AMBRA1: variants seen among roughly 807,000 people sequenced by gnomAD.
AMBRA1 encodes activating molecule in BECN1-regulated autophagy protein 1.
AMBRA1 carries 47 observed loss-of-function variants against 125.4 expected under a neutral mutation model. The observed-to-expected ratio is 0.37, with a 90% CI of 0.30 to 0.48. AMBRA1 has a LOEUF of 0.48. AMBRA1 is among the 20% of genes least tolerant of loss of function. The pLI is 0.99. For missense variants in AMBRA1, 1,331 were observed against 1,693.4 expected (o/e 0.79, Z 3.76); for synonymous variants, 626 against 655.5 (o/e 0.95, Z 0.69).
In AMBRA1 at chr11:46,409,257, G is replaced by C. The variant is rs565438989; in HGVS notation, c.3210-551C>G. ...GTCTCGCCCTGTCACCCAGGCTGTA[G>C]TGGCGCAATCTCAGCTCACTGCAAC... On this transcript the variant is annotated intron_variant, in intron 16 of 17. Coordinates refer to ENST00000683756, the MANE Select transcript of AMBRA1 (RefSeq NM_001387011.1). Among the ~76,000 whole-genome samples, 4 of 151,694 alleles carry C rather than the reference G, an allele frequency of 2.6e-5. No homozygotes were observed. In the South Asian group the frequency reaches 8.3e-4, roughly 32 times the overall value.
chr11:46,486,578 A>G (rs1259140769), intron 11 of AMBRA1, among the ~76,000 whole-genome samples: 2 of 152,162 alleles, frequency 1.3e-5, no homozygotes, highest in African/African-American at 4.8e-5. Context: ...GGAAGTGGGG[A>G]ACATCTAAGA....
At chr11:46,404,859 G>A (rs1386938486) in intron 17 of AMBRA1, among the ~76,000 whole-genome samples, 3 of 152,180 alleles carry the variant, frequency 2.0e-5, no homozygotes, top group African/African-American at 7.2e-5. Context: ...AGCCAGAAAT[G>A]GGCTGCATGC....
intron 5 of AMBRA1, among the ~76,000 whole-genome samples, chr11:46,544,663 CT>C (rs771923046): frequency 2.0e-5 from 3 of 152,204 alleles, no homozygotes; most frequent in Non-Finnish European, 4.4e-5. Context: ...ACCCAAACTT[CT>C]TTCAGGTTTT....
At chr11:46,566,488 G>A (rs2043537704) in intron 1 of AMBRA1, among the ~76,000 whole-genome samples, 1 of 151,966 alleles carries the variant, frequency 6.6e-6, no homozygotes, top group African/African-American at 2.4e-5. Flanking sequence ...TATGCTGAGT[G>A]AAAAAGGCCA....
At chr11:46,478,654 T>TC (rs1366490026) in intron 11 of AMBRA1, among the ~76,000 whole-genome samples, 5 of 131,804 alleles carry the variant, frequency 3.8e-5, no homozygotes, top group Admixed American at 3.1e-4. Context: ...TTCTCTTTTT[T>TC]TTTTTTTTTT....
chr11:46,443,971 T>A (rs1328579171), intron 11 of AMBRA1, among the ~76,000 whole-genome samples: 1 of 152,120 alleles, frequency 6.6e-6, no homozygotes, highest in Middle Eastern at 3.2e-3. Context: ...AAGACACCAT[T>A]AACACAGAAA....
At chr11:46,420,518 G>T (rs777706554) in intron 14 of AMBRA1, among the ~76,000 whole-genome samples, 1 of 152,180 alleles carries the variant, frequency 6.6e-6, no homozygotes, top group African/African-American at 2.4e-5. Context: ...TCTTTCTCAT[G>T]GAGGTTTTCA....
chr11:46,420,150 A>C (rs1946780324), intron 14 of AMBRA1, among the ~76,000 whole-genome samples: 2 of 152,206 alleles, frequency 1.3e-5, no homozygotes, highest in South Asian at 4.1e-4. Flanking sequence ...GGTTTGAGGC[A>C]CGGCACTGAC....
At chr11:46,456,231 C>A (rs955719300) in intron 11 of AMBRA1, among the ~76,000 whole-genome samples, 5 of 151,944 alleles carry the variant, frequency 3.3e-5, no homozygotes, top group Middle Eastern at 6.3e-3. Flanking sequence ...GAAAAAAAAA[C>A]CCCAAACACA....
At chr11:46,483,318 C>T (rs1950144942) in intron 11 of AMBRA1, among the ~76,000 whole-genome samples, 1 of 152,158 alleles carries the variant, frequency 6.6e-6, no homozygotes, top group Non-Finnish European at 1.5e-5. Flanking sequence ...GCCCCAGTCA[C>T]CTATTTGCAG....
chr11:46,531,922 G>A (rs1208090083), intron 7 of AMBRA1, among the ~76,000 whole-genome samples: 3 of 151,498 alleles, frequency 2.0e-5, no homozygotes, highest in Non-Finnish European at 4.4e-5. Flanking sequence ...GTTCAAGACC[G>A]GCCTGGCCAA....
intron 1 of AMBRA1, among the ~76,000 whole-genome samples, chr11:46,556,418 C>T (rs762374019): frequency 2.0e-5 from 3 of 152,180 alleles, no homozygotes; most frequent in Non-Finnish European, 2.9e-5. Flanking sequence ...AAGGCAAACA[C>T]ACCTAGAAGC....
intron 1 of AMBRA1, among the ~76,000 whole-genome samples, chr11:46,561,707 T>C (rs1286713358): frequency 6.6e-6 from 1 of 152,122 alleles, no homozygotes; most frequent in African/African-American, 2.4e-5. Context: ...AGAAAAAATT[T>C]CCCTCGAGGC....
chr11:46,543,232 A>C lies in AMBRA1; in HGVS notation c.785T>G (p.Val262Gly). Residue 262 changes from valine (V) to glycine (G), a missense_variant, in exon 7 of 18, where the codon GTG becomes GGG. Transcript: ENST00000683756. ...GGGTGAGGGGGTAGCAGAATCTTGC[A>C]CTGTGCTTTGCTCTCCCACCTGGAT... ...SGIQVGEQST[V>G]QDSATPSPPP... 1 of 1,612,876 alleles carries C rather than the reference A, an allele frequency of 6.2e-7. No individual in the cohort carries two copies. The highest frequency in any genetic ancestry group is 1.1e-5 in the South Asian group (1 of 90,908).
At chr11:46,450,435 AT>A (rs200047750) in intron 11 of AMBRA1, among the ~76,000 whole-genome samples, 212 of 144,322 alleles carry the variant, frequency 1.5e-3, no homozygotes, top group Middle Eastern at 3.5e-3. Context: ...TGAGCACAAG[AT>A]TTTTTTTTTT....
intron 7 of AMBRA1, among the ~76,000 whole-genome samples, chr11:46,526,100 G>A (rs1232884890): frequency 1.3e-5 from 2 of 152,088 alleles, no homozygotes; most frequent in Non-Finnish European, 2.9e-5. Context: ...AGCTACTCCA[G>A]AGGCTGAGGC....
At chr11:46,582,110 C>CAA (rs753222142) in intron 1 of AMBRA1, among the ~76,000 whole-genome samples, 6 of 79,754 alleles carry the variant, frequency 7.5e-5, no homozygotes, top group Non-Finnish European at 1.4e-4. Flanking sequence ...GACCCTGTCT[C>CAA]AAAAAAAAAA....
chr11:46,411,390 TGTCCCAGGAG>T (rs202077633), intron 15 of AMBRA1, among the ~76,000 whole-genome samples: 227 of 152,322 alleles, frequency 1.5e-3, no homozygotes, highest in Middle Eastern at 6.8e-3. Context: ...CGAGGGACTG[TGTCCCAGGAG>T]GTCCCAGGAG....
intron 11 of AMBRA1, among the ~76,000 whole-genome samples, chr11:46,486,963 A>G (rs140568462): frequency 4.0e-5 from 6 of 151,794 alleles, no homozygotes; most frequent in African/African-American, 1.4e-4. Flanking sequence ...ATACAAATAA[A>G]AGAGATGAGA....
Sources: allele counts gnomAD v4.1 joint callset (sites outside exome capture counted in the v4.1 genomes callset), GRCh38; gene constraint gnomAD v4.1.1; transcripts MANE v1.5; gene names NCBI Gene and HGNC (gene_info 2026-07-23, HGNC 2026-07-21).